Variants in DMXL2 observed in about 807,000 individuals in gnomAD.
DMXL2 encodes the protein Dmx like 2.
In DMXL2, 103 loss-of-function variants were observed where a neutral mutation model predicts 331.1. That is an observed-to-expected ratio of 0.31 (90% CI 0.27 to 0.37). DMXL2 has a LOEUF of 0.37. Among genes scored for constraint, DMXL2 ranks in the 10% least tolerant of loss-of-function variants. DMXL2 has a pLI of 1.00. For missense variants in DMXL2, 3,171 were observed against 3,642.9 expected, an observed-to-expected ratio of 0.87 and a Z score of 3.33; for synonymous variants, 1,281 against 1,252.1, an observed-to-expected ratio of 1.02 and a Z score of -0.49.
At position 51,538,230 on chromosome 15, in the gene DMXL2, T is replaced by C. The variant is rs768743369; in HGVS notation, c.1328A>G (p.His443Arg). 1.2e-5 allele frequency: 19 copies of C among 1,613,134 alleles called. No homozygotes were observed. The highest frequency in any genetic ancestry group is 2.2e-5 in the East Asian group (1 of 44,822). The change falls in exon 10 of 44, where the codon CAT becomes CGT. Residue 443 changes from histidine to arginine, a missense_variant. Transcript: ENST00000560891. The part of the protein sequence containing the change: ...HSQEDRERGL[H>R]MKLDHDLSLD... ...ATACTAACCATGGTCTAATTTCATA[T>C]GTAAACCCCGTTCTCTATCCTCCTG...
At chr15:51,614,988 C>T (rs1325370349) in intron 1 of DMXL2, among the ~76,000 whole-genome samples, 1 of 152,078 alleles carries the variant, frequency 6.6e-6, no homozygotes, top group Admixed American at 6.6e-5. Context: ...AAGGTGGCAG[C>T]AGTAGAGATA....
chr15:51,564,035 T>A, intron 5 of DMXL2, 90 bp downstream of exon 5: 1 of 1,417,196 alleles, frequency 7.1e-7, no homozygotes, highest in East Asian at 2.6e-5. Flanking sequence ...AATGGTACCA[T>A]CAAAAAATAA....
At chr15:51,462,204 T>C (rs768612562) in intron 33 of DMXL2, among the ~76,000 whole-genome samples, 42 of 152,102 alleles carry the variant, frequency 2.8e-4, no homozygotes, top group Non-Finnish European at 4.4e-4. Context: ...TCCACTGCCC[T>C]GGGCATGAGG....
chr15:51,532,217 G>A (rs1472024537), intron 13 of DMXL2, among the ~76,000 whole-genome samples: 2 of 151,766 alleles, frequency 1.3e-5, no homozygotes, highest in East Asian at 1.9e-4. Context: ...ATGAGATTCC[G>A]TCATTTTGCA....
chr15:51,567,458 A>T (rs976953344), intron 3 of DMXL2: 11 of 152,290 alleles, frequency 7.2e-5, no homozygotes, highest in South Asian at 2.1e-4. Flanking sequence ...CTGTAAAAAA[A>T]TTTTTAAATA....
intron 16 of DMXL2, among the ~76,000 whole-genome samples, chr15:51,505,461 C>A (rs1382644298): frequency 6.6e-6 from 1 of 152,214 alleles, no homozygotes. Flanking sequence ...CTCTTCAGAG[C>A]CACTCCCATT....
At chr15:51,515,801 C>G (rs1390808539) in intron 14 of DMXL2, among the ~76,000 whole-genome samples, 1 of 152,016 alleles carries the variant, frequency 6.6e-6, no homozygotes, top group African/African-American at 2.4e-5. Context: ...GCAAAGGAGG[C>G]TAAAGTAGGG....
At chr15:51,610,549 A>T (rs1409856039) in intron 1 of DMXL2, among the ~76,000 whole-genome samples, 1 of 152,132 alleles carries the variant, frequency 6.6e-6, no homozygotes, top group Non-Finnish European at 1.5e-5. Flanking sequence ...CGGGCAGATC[A>T]TGAGGTCAGG....
chr15:51,511,433 G>A (rs1015822804), intron 15 of DMXL2, among the ~76,000 whole-genome samples: 1 of 152,182 alleles, frequency 6.6e-6, no homozygotes, highest in African/African-American at 2.4e-5. Context: ...ACAAACATAT[G>A]AAAAAATGCT....
At chr15:51,608,055 C>T (rs1025460035) in intron 1 of DMXL2, among the ~76,000 whole-genome samples, 1 of 151,754 alleles carries the variant, frequency 6.6e-6, no homozygotes, top group Admixed American at 6.6e-5. Flanking sequence ...TGTGGTGGTG[C>T]GCACCTGTAA....
chr15:51,575,616 G>A (rs188666454), intron 2 of DMXL2, among the ~76,000 whole-genome samples: 58 of 152,236 alleles, frequency 3.8e-4, no homozygotes, highest in Middle Eastern at 3.4e-3. Flanking sequence ...CTTTCATTAT[G>A]TTAACAGACT....
intron 1 of DMXL2, among the ~76,000 whole-genome samples, chr15:51,594,288 T>G (rs1448491958): frequency 2.6e-5 from 4 of 152,112 alleles, no homozygotes; most frequent in African/African-American, 9.7e-5. Context: ...TATAAACACC[T>G]CTACACAAAT....
chr15:51,487,905 G>A, intron 22 of DMXL2, 49 bp downstream of exon 22: 1 of 1,443,012 alleles, frequency 6.9e-7, no homozygotes, highest in Non-Finnish European at 9.2e-7. Flanking sequence ...AACCTTCTTA[G>A]GTTTTCAATC....
In DMXL2 at chr15:51,502,915, A is replaced by C; in HGVS notation, c.2883T>G (p.Ile961Met). 3.7e-6 allele frequency: 6 copies of C among 1,614,096 alleles called. No individual in the cohort carries two copies. Among genetic ancestry groups the C allele is most frequent in the Non-Finnish European group, 5.1e-6 (6 of 1,179,988 alleles). The change falls in exon 17 of 44, where the codon ATT (isoleucine) becomes ATG (methionine). Residue 961 changes from isoleucine (I) to methionine (M), a missense_variant. Physicochemically the swap from Ile to Met is conservative, Grantham distance 10. Around this residue, in one of 7 missense-constraint regions of DMXL2, gnomAD observed 1,674 missense variants for 1,780.2 expected, o/e 0.94. Transcript: ENST00000560891. ...GTTTACTGGCAGTTTGAAGATTGGC[A>C]ATTGATGAAGAATGTGGCATGGGGC... is the stretch of plus-strand genomic sequence containing the variant. ...SVSPMPHSSS[I>M]ANLQTASKLI...
intron 7 of DMXL2, among the ~76,000 whole-genome samples, chr15:51,546,446 T>C (rs1232572824): frequency 6.6e-6 from 1 of 152,144 alleles, no homozygotes; most frequent in African/African-American, 2.4e-5. Flanking sequence ...CATTATCATT[T>C]ACTGAGCATC....
intron 6 of DMXL2, among the ~76,000 whole-genome samples, chr15:51,557,202 C>T (rs1244225252): frequency 1.3e-5 from 2 of 152,094 alleles, no homozygotes; most frequent in East Asian, 3.8e-4. Flanking sequence ...GGGTGCTGGG[C>T]ATAAAGCCAA....
At chr15:51,560,659 A>G (rs1205430120) in intron 6 of DMXL2, among the ~76,000 whole-genome samples, 1 of 148,994 alleles carries the variant, frequency 6.7e-6, no homozygotes, top group African/African-American at 2.5e-5. Context: ...ACGGATTGAG[A>G]CTCAGTCTCA....
Position 51,536,396 on chromosome 15 carries a change from G to A in DMXL2, c.2084C>T (p.Pro695Leu). The A allele has an allele frequency of 6.2e-7, 1 of 1,613,724 alleles. No individual in the cohort carries two copies. Among genetic ancestry groups the A allele is most frequent in the Non-Finnish European group, 8.5e-7 (1 of 1,179,834 alleles). Residue 695 changes from proline to leucine, a missense_variant, in exon 12 of 44, where the codon CCT (proline) becomes CTT (leucine). Transcript: ENST00000560891. ...SDNKLSRLMD[P>L]VKHIKGSSKQ... ...CGAGGAACCTTTTATATGTTTTACAGGGTCCATTAATCTACTTAATTTATT... is the reference window on the plus strand; with the variant it reads ...CGAGGAACCTTTTATATGTTTTACAAGGTCCATTAATCTACTTAATTTATT...
chr15:51,508,705 C>T (rs145453555), intron 15 of DMXL2, among the ~76,000 whole-genome samples: 20 of 152,118 alleles, frequency 1.3e-4, no homozygotes, highest in African/African-American at 4.1e-4. Flanking sequence ...AGATAACCAG[C>T]GCGCAGACTC....
Sources: allele counts gnomAD v4.1 joint callset (sites outside exome capture counted in the v4.1 genomes callset), GRCh38; gene constraint gnomAD v4.1.1; regional missense constraint gnomAD v4.1.1; transcripts MANE v1.5; gene names NCBI Gene and HGNC (gene_info 2026-07-23, HGNC 2026-07-21).